The following CDH10 variants were observed in gnomAD, a reference collection of about 807,000 sequenced individuals.
CDH10 encodes the protein cadherin-10.
CDH10 carries 30 observed loss-of-function variants against 73.1 expected under a neutral mutation model. The observed-to-expected ratio is 0.41, with a 90% CI of 0.31 to 0.56. CDH10 has a LOEUF of 0.56. Among genes scored for constraint, CDH10 ranks in the 20% least tolerant of loss-of-function variants. The pLI, the probability that CDH10 is intolerant of heterozygous loss-of-function variation, is 0.27. For synonymous variants in CDH10, 345 were observed against 348.2 expected (o/e 0.99, Z 0.10); for missense variants, 815 against 973.7 (o/e 0.84, Z 2.17).
chr5:24,487,970 C>A lies in CDH10; in HGVS notation c.2060G>T (p.Arg687Leu), dbSNP rs1362800287. 6.2e-7 allele frequency: 1 copy of A among 1,613,838 alleles called. No individual in the cohort carries two copies. Among genetic ancestry groups the A allele is most frequent in the Non-Finnish European group, 8.5e-7 (1 of 1,179,950 alleles). ...NPAAIEEKKL[R>L]RDIIPETLFI... ...TAACGTTTCTGGAATAATATCTCGC[C>A]GGAGCTTTTTTTCCTCAATGGCTGC... Residue 687 changes from arginine (R) to leucine (L), a missense_variant, in exon 12 of 12, where the codon CGG (arginine) becomes CTG (leucine). Transcript: ENST00000264463.
chr5:24,511,200 C>T (rs1232624893), intron 6 of CDH10, 127 bp downstream of exon 6: 1 of 665,252 alleles, frequency 1.5e-6, no homozygotes, highest in African/African-American at 1.8e-5. Context: ...TATGTATGCA[C>T]AGTATAAATT....
chr5:24,552,246 T>C (rs904043610), intron 2 of CDH10, among the ~76,000 whole-genome samples: 2 of 152,086 alleles, frequency 1.3e-5, no homozygotes, highest in Non-Finnish European at 2.9e-5. Flanking sequence ...TTTCTAGAGA[T>C]ATTGTGCTAT....
At chr5:24,627,393 A>G (rs965879052) in intron 1 of CDH10, among the ~76,000 whole-genome samples, 2 of 152,164 alleles carry the variant, frequency 1.3e-5, no homozygotes, top group Non-Finnish European at 1.5e-5. Context: ...AAGGAAAAAA[A>G]TAAGTCACCA....
At chr5:24,584,517 C>T (rs1745920182) in intron 2 of CDH10, among the ~76,000 whole-genome samples, 1 of 126,682 alleles carries the variant, frequency 7.9e-6, no homozygotes, top group South Asian at 2.6e-4. Flanking sequence ...TGTTGCCAGG[C>T]TGGAGTGCAG....
chr5:24,508,427 ATAAAT>A (rs1161609109), intron 7 of CDH10, among the ~76,000 whole-genome samples: 1 of 146,772 alleles, frequency 6.8e-6, no homozygotes, highest in African/African-American at 2.4e-5. Context: ...GGCAGAATAA[ATAAAT>A]AAACATAAAA....
At chr5:24,557,727 C>T (rs1424283513) in intron 2 of CDH10, among the ~76,000 whole-genome samples, 2 of 151,774 alleles carry the variant, frequency 1.3e-5, no homozygotes, top group Non-Finnish European at 3.0e-5. Flanking sequence ...TAAATAACTA[C>T]TTCGGCTTCT....
chr5:24,577,421 G>A (rs62349610), intron 2 of CDH10, among the ~76,000 whole-genome samples: 58,170 of 151,566 alleles, frequency 0.38, 13,552 homozygotes, highest in East Asian at 0.54. Flanking sequence ...AATTTTAATT[G>A]CATAGATTTT....
At chr5:24,615,218 T>G (rs1241536736) in intron 1 of CDH10, among the ~76,000 whole-genome samples, 1 of 152,202 alleles carries the variant, frequency 6.6e-6, no homozygotes, top group Non-Finnish European at 1.5e-5. Flanking sequence ...TGCATCAGAA[T>G]TTTTGCACTT....
Position 24,532,964 on chromosome 5 carries a change from G to A in CDH10, c.814+2148C>T, listed in dbSNP as rs75867408. Among the ~76,000 whole-genome samples, 374 of 152,002 alleles carry A rather than the reference G, an allele frequency of 2.5e-3. 13 individuals carry two copies. The East Asian group carries it at 0.047, about 19-fold the overall frequency. On this transcript the variant is annotated intron_variant, in intron 5 of 11. Transcript: ENST00000264463. Reference sequence around the variant, plus strand: ...CAATATGAAATACAATTTTCCAGACGTTATATGATTTAGACAATCAAATAA... The same window carrying A: ...CAATATGAAATACAATTTTCCAGACATTATATGATTTAGACAATCAAATAA...
At chr5:24,503,109 C>T (rs1742554985) in intron 8 of CDH10, among the ~76,000 whole-genome samples, 4 of 152,126 alleles carry the variant, frequency 2.6e-5, no homozygotes, top group South Asian at 2.1e-4. Context: ...TAGTTCATTG[C>T]TGATGATCTG....
At position 24,511,561 on chromosome 5, in the gene CDH10, G is replaced by C. The variant is rs200495717; in HGVS notation, c.815-47C>G. 9.6e-4 allele frequency: 667 copies of C among 697,170 alleles called. 7 individuals carry two copies. In the African/African-American group the frequency reaches 0.012, roughly 12 times the overall value. The allele number at this position is 697,170 out of a possible 1,614,324, so 43.2% of individuals were successfully genotyped here. ...AGAGAGAGACAGAGAGAGAGAGAGA[G>C]AGAGAGAGAGAGAGAGAGAGAGAGA... On this transcript the variant is annotated intron_variant, in intron 5 of 11. Coordinates refer to ENST00000264463, the MANE Select transcript of CDH10 (RefSeq NM_006727.5).
At chr5:24,518,458 T>A (rs1743190748) in intron 5 of CDH10, among the ~76,000 whole-genome samples, 1 of 152,114 alleles carries the variant, frequency 6.6e-6, no homozygotes, top group Non-Finnish European at 1.5e-5. Flanking sequence ...TATATATACA[T>A]GCATATACAT....
In CDH10 at chr5:24,566,311, G is replaced by A. The variant is rs562663367; in HGVS notation, c.231+26949C>T. Among the ~76,000 whole-genome samples the A allele has an allele frequency of 2.0e-5, 3 of 152,264 alleles. No individual in the cohort carries two copies. The East Asian group carries it at 5.8e-4, about 29-fold the overall frequency. ...GATCCACCTGTCTTGGCCTCCCAAAGTGCTGGGAGTACAGGAGTGAGCCAC... is the reference window on the plus strand; with the variant it reads ...GATCCACCTGTCTTGGCCTCCCAAAATGCTGGGAGTACAGGAGTGAGCCAC... On this transcript the variant is annotated intron_variant, in intron 2 of 11. Transcript: ENST00000264463.
intron 5 of CDH10, among the ~76,000 whole-genome samples, chr5:24,521,618 A>T (rs980801031): frequency 6.6e-6 from 1 of 152,116 alleles, no homozygotes; most frequent in Non-Finnish European, 1.5e-5. Flanking sequence ...GTCTCAAAAA[A>T]AAGAAAAAAA....
intron 6 of CDH10, among the ~76,000 whole-genome samples, chr5:24,510,079 GAA>G (rs1474120746): frequency 1.3e-5 from 2 of 152,224 alleles, no homozygotes; most frequent in Non-Finnish European, 2.9e-5. Context: ...GATGGAAGCT[GAA>G]ACCTATTTTA....
chr5:24,546,109 T>G (rs2111930495), intron 2 of CDH10, among the ~76,000 whole-genome samples: 1 of 152,274 alleles, frequency 6.6e-6, no homozygotes, highest in South Asian at 2.1e-4. Flanking sequence ...TCTTTACATT[T>G]ATTTGATTTT....
intron 8 of CDH10, among the ~76,000 whole-genome samples, 175 bp downstream of exon 8, chr5:24,504,937 T>A (rs545146277): frequency 6.6e-6 from 1 of 152,096 alleles, no homozygotes; most frequent in Admixed American, 6.6e-5. Context: ...CTCTATGCAC[T>A]GATGTAAGAA....
intron 2 of CDH10, among the ~76,000 whole-genome samples, chr5:24,568,742 T>A (rs1055931324): frequency 1.4e-4 from 21 of 152,070 alleles, no homozygotes; most frequent in Non-Finnish European, 2.6e-4. Flanking sequence ...GTGGGAACAA[T>A]CCAGATGTTC....
intron 5 of CDH10, among the ~76,000 whole-genome samples, chr5:24,512,941 G>A (rs952234465): frequency 2.6e-5 from 4 of 151,956 alleles, no homozygotes; most frequent in African/African-American, 9.7e-5. Context: ...GCTTTTCAAA[G>A]TTTTCTAGGC....
Sources: allele counts gnomAD v4.1 joint callset (sites outside exome capture counted in the v4.1 genomes callset), GRCh38; gene constraint gnomAD v4.1.1; transcripts MANE v1.5; gene names NCBI Gene and HGNC (gene_info 2026-07-23, HGNC 2026-07-21).